The following BPGM variants were observed in gnomAD, a reference collection of about 807,000 sequenced individuals.
The protein encoded by BPGM is 2,3-bisphosphoglycerate mutase, erythrocyte.
BPGM carries 15 observed loss-of-function variants against 21.6 expected under a neutral mutation model. The observed-to-expected ratio is 0.70, with a 90% CI of 0.47 to 1.07. BPGM has a LOEUF of 1.07. Among genes scored for constraint, BPGM ranks in the 50% least tolerant of loss-of-function variants. The pLI, the probability that BPGM is intolerant of heterozygous loss-of-function variation, is 0.00. For missense variants in BPGM, 273 were observed against 319.0 expected (o/e 0.86, Z 1.10); for synonymous variants, 113 against 116.2 (o/e 0.97, Z 0.18).
intron 2 of BPGM, among the ~76,000 whole-genome samples, chr7:134,677,554 T>A (rs954571403): frequency 6.6e-6 from 1 of 152,200 alleles, no homozygotes; most frequent in Non-Finnish European, 1.5e-5. Context: ...GTTTGGCTGG[T>A]GCTCACAGTT....
intron 2 of BPGM, among the ~76,000 whole-genome samples, chr7:134,676,938 A>G (rs1795990594): frequency 6.6e-6 from 1 of 152,208 alleles, no homozygotes; most frequent in Non-Finnish European, 1.5e-5. Context: ...TGTTGAAGCC[A>G]GAAGGTGTTT....
chr7:134,671,000 C>T (rs1451326070), intron 2 of BPGM, among the ~76,000 whole-genome samples: 1 of 152,134 alleles, frequency 6.6e-6, no homozygotes, highest in East Asian at 1.9e-4. Flanking sequence ...TTTATTGGCA[C>T]TAGATGTAAA....
rs201167024 is a variant in BPGM, at chr7:134,672,651, A to AT, written c.602-6196dup. On this transcript the variant is annotated intron_variant, in intron 2 of 2. Coordinates refer to ENST00000344924, the MANE Select transcript of BPGM (RefSeq NM_001724.5). Reference sequence around the variant, plus strand: ...ACTGCATAGGTTCACTTATACATGGATTTTTTCCCAAAACAACTTGGATCA... The same window carrying AT: ...ACTGCATAGGTTCACTTATACATGGATTTTTTTCCCAAAACAACTTGGATCA... Among the ~76,000 whole-genome samples the AT allele has an allele frequency of 9.7e-3, 1,471 of 152,182 alleles. 23 individuals carry two copies. Among genetic ancestry groups the AT allele is most frequent in the African/African-American group, 0.033 (1,376 of 41,514 alleles).
chr7:134,648,137 T>TTTTTG (rs1159897285), intron 1 of BPGM, among the ~76,000 whole-genome samples: 7 of 149,476 alleles, frequency 4.7e-5, no homozygotes, highest in South Asian at 2.1e-4. Context: ...TTTTGGTTTT[T>TTTTTG]TTTTTGTTTT....
Position 134,661,770 on chromosome 7 carries a change from A to G in BPGM, c.263A>G (p.Asn88Ser). The G allele has an allele frequency of 6.2e-7, 1 of 1,614,140 alleles. No homozygotes were observed. The highest frequency in any genetic ancestry group is 8.5e-7 in the Non-Finnish European group (1 of 1,180,024). Residue 88 changes from asparagine (N) to serine (S), a missense_variant, in exon 2 of 3, where the codon AAT becomes AGT. Physicochemically the swap from Asn to Ser is conservative, Grantham distance 46. Coordinates refer to ENST00000344924, the MANE Select transcript of BPGM (RefSeq NM_001724.5). The surrounding 1 kb of genome is among the most constrained non-coding windows in gnomAD (Gnocchi z 4.6). ...CCTGTGGAAAGCTCCTGGCGTCTAA[A>G]TGAGCGTCACTATGGGGCCTTGATC... ...WVPVESSWRL[N>S]ERHYGALIGL...
chr7:134,677,035 A>G (rs889293296), intron 2 of BPGM, among the ~76,000 whole-genome samples: 6 of 152,186 alleles, frequency 3.9e-5, no homozygotes, highest in African/African-American at 1.4e-4. Context: ...TTGTGATGGT[A>G]ATCTTCTCTA....
intron 1 of BPGM, among the ~76,000 whole-genome samples, chr7:134,652,461 C>A (rs913050697): frequency 6.6e-6 from 1 of 151,920 alleles, no homozygotes; most frequent in Non-Finnish European, 1.5e-5. Flanking sequence ...TTGTCTATTA[C>A]CTCATGCATT....
chr7:134,678,637 T>C (rs1796016086), intron 2 of BPGM, among the ~76,000 whole-genome samples: 1 of 152,248 alleles, frequency 6.6e-6, no homozygotes, highest in Admixed American at 6.5e-5. Flanking sequence ...AAAAGGTATC[T>C]ACTGTCCTGA....
chr7:134,661,733 C>G lies in BPGM; in HGVS notation c.226C>G (p.Gln76Glu), dbSNP rs756090558. 6.2e-7 allele frequency: 1 copy of G among 1,614,084 alleles called. No individual in the cohort carries two copies. Among genetic ancestry groups the G allele is most frequent in the Non-Finnish European group, 8.5e-7 (1 of 1,180,020 alleles). Reference sequence around the variant, plus strand: ...CTGGCTGATCCTGGAAGAGCTAGGCCAGGAATGGGTGCCTGTGGAAAGCTC... The same window carrying G: ...CTGGCTGATCCTGGAAGAGCTAGGCGAGGAATGGGTGCCTGTGGAAAGCTC... Reference protein sequence around the residue: ...TAWLILEELGQEWVPVESSWR... With the variant: ...TAWLILEELGEEWVPVESSWR... The change falls in exon 2 of 3, where the codon CAG becomes GAG. Residue 76 changes from glutamine (Q) to glutamate (E), a missense_variant. Physicochemically the swap from Gln to Glu is conservative, Grantham distance 29. Coordinates refer to ENST00000344924, the MANE Select transcript of BPGM (RefSeq NM_001724.5). The surrounding 1 kb of genome is among the most constrained non-coding windows in gnomAD (Gnocchi z 4.6).
intron 2 of BPGM, among the ~76,000 whole-genome samples, chr7:134,665,363 A>G (rs1337963742): frequency 2.4e-5 from 1 of 41,472 alleles, no homozygotes; most frequent in Non-Finnish European, 4.0e-5. Context: ...CTATCGCAAG[A>G]ACAAAAAAAC....
In BPGM at chr7:134,661,462, T is replaced by G; in HGVS notation, c.-46T>G. On this transcript the variant is annotated 5_prime_UTR_variant, in exon 2 of 3. It removes the in-frame stop codon of an upstream open reading frame in the 5' UTR. Transcript: ENST00000344924. The surrounding 1 kb of genome is among the most constrained non-coding windows in gnomAD (Gnocchi z 4.6). Reference sequence around the variant, plus strand: ...GTCTTTCTAGATGTATTGCTGTCCTTGAATATTAGCCCATTTGAAAACGCC... The same window carrying G: ...GTCTTTCTAGATGTATTGCTGTCCTGGAATATTAGCCCATTTGAAAACGCC... The G allele has an allele frequency of 5.0e-6, 8 of 1,613,412 alleles. No individual in the cohort carries two copies. The highest frequency in any genetic ancestry group is 6.8e-6 in the Non-Finnish European group (8 of 1,179,630).
rs1328275182 is a variant in BPGM at position 134,661,104 on chromosome 7, C to T, written c.-61-343C>T. On this transcript the variant is annotated intron_variant, in intron 1 of 2. Transcript: ENST00000344924. This position sits in a 1 kb window ranked among gnomAD's most constrained non-coding sequence, Gnocchi z 4.6. ...CCCAGCCACTAGTCATTCTTTCAGA[C>T]GTCTGTAACTCATTCTATTAAATCC... 6.6e-6 allele frequency among the ~76,000 whole-genome samples: 1 copy of T among 152,184 alleles called. No homozygotes were observed. Among genetic ancestry groups the T allele is most frequent in the South Asian group, 2.1e-4 (1 of 4,830 alleles).
chr7:134,669,803 TA>T (rs1184267793), intron 2 of BPGM, among the ~76,000 whole-genome samples: 1 of 152,112 alleles, frequency 6.6e-6, no homozygotes, highest in Non-Finnish European at 1.5e-5. Flanking sequence ...TATTATATAG[TA>T]AAAAAATGCC....
chr7:134,655,457 TG>T (rs150701838), intron 1 of BPGM, among the ~76,000 whole-genome samples: 1 of 151,936 alleles, frequency 6.6e-6, no homozygotes, highest in Non-Finnish European at 1.5e-5. Flanking sequence ...ATATCTCCAG[TG>T]GGGGGTTGAA....
intron 1 of BPGM, among the ~76,000 whole-genome samples, chr7:134,650,874 G>A (rs777827672): frequency 4.6e-5 from 7 of 152,196 alleles, no homozygotes; most frequent in Non-Finnish European, 7.3e-5. Flanking sequence ...GCAGCGAGCC[G>A]AGATCACGCC....
At chr7:134,667,579 C>T (rs1795839622) in intron 2 of BPGM, among the ~76,000 whole-genome samples, 1 of 152,190 alleles carries the variant, frequency 6.6e-6, no homozygotes, top group East Asian at 1.9e-4. Flanking sequence ...TTAGCTTTCA[C>T]TACTGTTAAG....
chr7:134,656,045 C>G (rs1795632389), intron 1 of BPGM, among the ~76,000 whole-genome samples: 1 of 152,206 alleles, frequency 6.6e-6, no homozygotes, highest in Non-Finnish European at 1.5e-5. Context: ...GTTCTCAAAA[C>G]ATGGTCCTTG....
rs1554409878 is a variant in BPGM, at chr7:134,648,139, T to TTTTTTG, written c.-62+1205_-62+1206insTTGTTT. 2.9e-4 allele frequency among the ~76,000 whole-genome samples: 43 copies of TTTTTTG among 148,826 alleles called. No individual in the cohort carries two copies. In the East Asian group the frequency reaches 7.1e-3, roughly 25 times the overall value. On this transcript the variant is annotated intron_variant, in intron 1 of 2. Coordinates refer to ENST00000344924, the MANE Select transcript of BPGM (RefSeq NM_001724.5). ...TTTCTTTCTTTTGTTTTGGTTTTTT[T>TTTTTTG]TTTGTTTTGTTTTCAGACGGAGTTT... is the stretch of plus-strand genomic sequence containing the variant.
chr7:134,653,771 G>A (rs1028839902), intron 1 of BPGM, among the ~76,000 whole-genome samples: 1 of 152,062 alleles, frequency 6.6e-6, no homozygotes, highest in African/African-American at 2.4e-5. Flanking sequence ...TCTCTGTCTT[G>A]ACCTTGCCAA....
Sources: gnomAD v4.1 joint callset for allele counts (sites outside exome capture counted in the v4.1 genomes callset) on GRCh38, gnomAD v4.1.1 for gene constraint, Gnocchi (gnomAD v3.1) non-coding constraint, MANE v1.5 for transcripts, NCBI Gene and HGNC (gene_info 2026-07-23, HGNC 2026-07-21) for gene names.